Variants in COL23A1 observed in about 807,000 individuals in gnomAD.
The protein encoded by COL23A1 is collagen type XXIII alpha 1 chain.
Under a neutral mutation model 99.3 loss-of-function variants are expected in COL23A1, and 97 were observed. That is an observed-to-expected ratio of 0.98 (90% CI 0.83 to 1.16). COL23A1 has a LOEUF of 1.16. COL23A1 is among the 50% of genes most tolerant of loss of function. COL23A1 has a pLI of 0.00. For synonymous variants in COL23A1, 320 were observed against 308.2 expected, an observed-to-expected ratio of 1.04 and a Z score of -0.40; for missense variants, 762 against 757.4, an observed-to-expected ratio of 1.01 and a Z score of -0.07.
intron 2 of COL23A1, among the ~76,000 whole-genome samples, chr5:178,373,173 A>G (rs1456182785): frequency 6.6e-6 from 1 of 152,100 alleles, no homozygotes; most frequent in African/African-American, 2.4e-5. Context: ...CATGGGTTTG[A>G]CTGCCACTCA....
chr5:178,440,921 G>C (rs1180790351), intron 2 of COL23A1, among the ~76,000 whole-genome samples: 1 of 152,090 alleles, frequency 6.6e-6, no homozygotes, highest in African/African-American at 2.4e-5. Flanking sequence ...CCGGCCTACT[G>C]TTTCATCTTT....
chr5:178,306,970 T>C lies in COL23A1; in HGVS notation c.362-51A>G. 7.3e-7 allele frequency: 1 copy of C among 1,365,538 alleles called. No individual in the cohort carries two copies. Among genetic ancestry groups the C allele is most frequent in the East Asian group, 2.9e-5 (1 of 34,020 alleles). 84.6% of individuals were successfully genotyped at this position (1,365,538 alleles called of 1,614,324 possible). On this transcript the variant is annotated intron_variant, in intron 2 of 28. Transcript: ENST00000390654. The surrounding 1 kb of genome is among the most constrained non-coding windows in gnomAD (Gnocchi z 4.1). ...CATTGAGAAGGGAAGCCAGTGGACT[T>C]GGCTGCGTGGGGCATGCCCCAGCCA...
At chr5:178,260,071 C>T (rs1303728869) in intron 11 of COL23A1, among the ~76,000 whole-genome samples, 1 of 152,324 alleles carries the variant, frequency 6.6e-6, no homozygotes, top group African/African-American at 2.4e-5. Flanking sequence ...CCAGAGGCTC[C>T]GTCTCCGTCA....
intron 2 of COL23A1, among the ~76,000 whole-genome samples, chr5:178,344,177 A>G (rs996537527): frequency 6.6e-6 from 1 of 152,250 alleles, no homozygotes; most frequent in South Asian, 2.1e-4. Flanking sequence ...AAAGATACCA[A>G]AATCCATGGA....
intron 2 of COL23A1, among the ~76,000 whole-genome samples, chr5:178,493,195 G>A (rs1479397904): frequency 6.6e-6 from 1 of 152,158 alleles, no homozygotes. Context: ...CCCATCTTCT[G>A]TGGATCTGGG....
intron 2 of COL23A1, among the ~76,000 whole-genome samples, chr5:178,358,765 A>ATG (rs529846601): frequency 7.2e-4 from 103 of 144,004 alleles, no homozygotes; most frequent in South Asian, 2.4e-3. Flanking sequence ...GTGTGTGTGT[A>ATG]TGTGTGTGTA....
chr5:178,532,674 G>A (rs1760712116), intron 2 of COL23A1, among the ~76,000 whole-genome samples: 2 of 152,184 alleles, frequency 1.3e-5, no homozygotes, highest in African/African-American at 2.4e-5. Flanking sequence ...AAAAATGCAC[G>A]TGTTGAACCC....
At chr5:178,584,174 TA>T (rs1442939705) in intron 1 of COL23A1, among the ~76,000 whole-genome samples, 1 of 152,102 alleles carries the variant, frequency 6.6e-6, no homozygotes, top group East Asian at 1.9e-4. Context: ...CATGCCTGGC[TA>T]AATTTGGTGT....
intron 2 of COL23A1, among the ~76,000 whole-genome samples, chr5:178,504,704 G>C (rs754028176): frequency 6.6e-6 from 1 of 152,222 alleles, no homozygotes; most frequent in Non-Finnish European, 1.5e-5. Context: ...GTGAGGCGAA[G>C]TGCGCTGGCC....
intron 2 of COL23A1, among the ~76,000 whole-genome samples, chr5:178,403,415 T>C (rs898789086): frequency 1.3e-5 from 2 of 152,166 alleles, no homozygotes; most frequent in African/African-American, 4.8e-5. Context: ...CTTCCTTCCC[T>C]TGGAGAGTTT....
rs964585424 is a variant in COL23A1, at chr5:178,387,724, C to T, written c.362-80805G>A. ...CACGCTGAGCTAATGAATGAACGAA[C>T]GACAATGAGGCAGTGGGTCTGAGTT... On this transcript the variant is annotated intron_variant, in intron 2 of 28. Coordinates refer to ENST00000390654, the MANE Select transcript of COL23A1 (RefSeq NM_173465.4). The surrounding 1 kb of genome is among the most constrained non-coding windows in gnomAD (Gnocchi z 4.7). Among the ~76,000 whole-genome samples the T allele has an allele frequency of 2.0e-5, 3 of 152,174 alleles. No homozygotes were observed. The highest frequency in any genetic ancestry group is 7.2e-5 in the African/African-American group (3 of 41,438).
intron 2 of COL23A1, among the ~76,000 whole-genome samples, chr5:178,539,477 C>T (rs1244067605): frequency 2.4e-5 from 3 of 126,528 alleles, no homozygotes; most frequent in African/African-American, 6.0e-5. Context: ...ACCCGGGAGG[C>T]GGAGGTTGCA....
At chr5:178,274,591 C>T (rs1756482421) in intron 5 of COL23A1, among the ~76,000 whole-genome samples, 1 of 152,200 alleles carries the variant, frequency 6.6e-6, no homozygotes, top group Non-Finnish European at 1.5e-5. Flanking sequence ...GGGGGTCTCC[C>T]CTATCTAGGC....
chr5:178,378,514 G>A (rs990832545), intron 2 of COL23A1, among the ~76,000 whole-genome samples: 1 of 152,232 alleles, frequency 6.6e-6, no homozygotes, highest in African/African-American at 2.4e-5. Context: ...TGTGATCAGA[G>A]TAGTAAAACC....
intron 2 of COL23A1, among the ~76,000 whole-genome samples, chr5:178,353,297 A>G (rs1761433767): frequency 6.6e-6 from 1 of 152,204 alleles, no homozygotes; most frequent in Non-Finnish European, 1.5e-5. Context: ...CTGATTTGAG[A>G]AAGGCCCTTT....
intron 2 of COL23A1, among the ~76,000 whole-genome samples, chr5:178,466,192 C>G (rs1756413009): frequency 6.6e-6 from 1 of 152,136 alleles, no homozygotes. Context: ...CCAGCCTCCT[C>G]CCTCCTCTCG....
intron 2 of COL23A1, among the ~76,000 whole-genome samples, chr5:178,338,731 G>A (rs1011739739): frequency 6.6e-6 from 1 of 151,894 alleles, no homozygotes; most frequent in African/African-American, 2.4e-5. Flanking sequence ...TTTGGTTAAT[G>A]GGGGGGTCCT....
In COL23A1 at chr5:178,239,169, C is replaced by T. The variant is rs1370534564; in HGVS notation, c.1592G>A (p.Gly531Glu). 1.9e-6 allele frequency: 3 copies of T among 1,614,154 alleles called. No homozygotes were observed. The highest frequency in any genetic ancestry group is 2.5e-6 in the Non-Finnish European group (3 of 1,180,010). The stretch of plus-strand genomic sequence containing the variant: ...ATGCCAGCAGCCAGGCACAGGCAGC[C>T]CGTCGGGGCCCTGGAAAGGAAGAAG... The part of the protein sequence containing the change: ...LDQPCPVGPD[G>E]LPVPGCWHK The change falls in exon 28 of 29, where the codon GGG (glycine) becomes GAG (glutamate). Residue 531 changes from glycine (G) to glutamate (E), a missense_variant. Transcript: ENST00000390654.
chr5:178,485,730 C>T (rs113908094), intron 2 of COL23A1, among the ~76,000 whole-genome samples: 4 of 137,212 alleles, frequency 2.9e-5, no homozygotes, highest in African/African-American at 8.6e-5. Context: ...TGCAGTGAGC[C>T]GAGATCACAC....
Sources: allele counts gnomAD v4.1 joint callset (sites outside exome capture counted in the v4.1 genomes callset), GRCh38; gene constraint gnomAD v4.1.1; non-coding constraint Gnocchi (gnomAD v3.1); transcripts MANE v1.5; gene names NCBI Gene and HGNC (gene_info 2026-07-23, HGNC 2026-07-21).